The following OXR1 variants were observed in gnomAD, a reference collection of about 807,000 sequenced individuals.
The protein encoded by OXR1 is oxidation resistance protein 1.
A neutral mutation model predicts 104.6 loss-of-function variants in OXR1; 41 were observed. That is an observed-to-expected ratio of 0.39 (90% CI 0.31 to 0.51). The LOEUF is 0.51. OXR1 is among the 20% of genes least tolerant of loss of function. The probability of loss-of-function intolerance (pLI) is 0.77; values close to 1 mark genes in which losing one functional copy is unlikely to be tolerated. For missense variants in OXR1, 955 were observed against 1,031.9 expected (o/e 0.93, Z 1.02); for synonymous variants, 348 against 348.4 (o/e 1.00, Z 0.01).
At chr8:106,638,111 T>C (rs1823310659) in intron 3 of OXR1, among the ~76,000 whole-genome samples, 1 of 152,122 alleles carries the variant, frequency 6.6e-6, no homozygotes, top group Non-Finnish European at 1.5e-5. Flanking sequence ...GGGCAGGATA[T>C]CCATAGTTAG....
intron 2 of OXR1, among the ~76,000 whole-genome samples, chr8:106,472,846 C>T (rs145821525): frequency 3.4e-4 from 51 of 151,924 alleles, no homozygotes; most frequent in Admixed American, 1.1e-3. Flanking sequence ...TTAGTCTGGA[C>T]TACAGGTGAC....
At chr8:106,483,251 A>C (rs1822249099) in intron 2 of OXR1, among the ~76,000 whole-genome samples, 1 of 152,110 alleles carries the variant, frequency 6.6e-6, no homozygotes, top group African/African-American at 2.4e-5. Context: ...GTAGCAATGA[A>C]AAGACAAAAT....
At position 106,683,254 on chromosome 8, in the gene OXR1, A is replaced by C. The variant is rs775090740; in HGVS notation, c.359A>C (p.Asn120Thr). The C allele has an allele frequency of 6.2e-7, 1 of 1,607,460 alleles. No homozygotes were observed. Among genetic ancestry groups the C allele is most frequent in the Non-Finnish European group, 8.5e-7 (1 of 1,174,516 alleles). ...GCCCTGAAGTTTGATACAACACCTA[A>C]CGAACTTGTTCAATTAAATAAGTTA... ...SIALKFDTTP[N>T]ELVQLNKLFS... is the part of the protein sequence containing the mutation. The change falls in exon 5 of 17, where the codon AAC becomes ACC. Residue 120 changes from asparagine (N) to threonine (T), a missense_variant. Physicochemically the swap from Asn to Thr is moderately conservative, Grantham distance 65 (BLOSUM62 0). Around this residue, in one of 2 missense-constraint regions of OXR1, gnomAD observed 849 missense variants for 852.9 expected, o/e 1.00. Coordinates refer to ENST00000517566, the MANE Select transcript of OXR1 (RefSeq NM_001198533.2).
chr8:106,410,015 CAT>C (rs1041599205), intron 2 of OXR1, among the ~76,000 whole-genome samples: 16 of 93,934 alleles, frequency 1.7e-4, no homozygotes, highest in South Asian at 5.6e-4. Flanking sequence ...CACACACACA[CAT>C]AAGAACTTTT....
At chr8:106,356,829 G>A (rs1275752831) in intron 1 of OXR1, among the ~76,000 whole-genome samples, 1 of 152,068 alleles carries the variant, frequency 6.6e-6, no homozygotes, top group Non-Finnish European at 1.5e-5. Context: ...TGCAAGGAAA[G>A]AAGTGTAGTA....
At chr8:106,747,932 G>A (rs945051045) in intron 16 of OXR1, among the ~76,000 whole-genome samples, 1 of 152,170 alleles carries the variant, frequency 6.6e-6, no homozygotes, top group Non-Finnish European at 1.5e-5. Context: ...ATTACAACTA[G>A]ATGTCTTAAT....
intron 1 of OXR1, among the ~76,000 whole-genome samples, chr8:106,316,484 T>C (rs527878040): frequency 1.6e-4 from 25 of 152,312 alleles, no homozygotes; most frequent in Non-Finnish European, 1.3e-4. Flanking sequence ...CTGTTGGTCA[T>C]TGAGGGTTAT....
At chr8:106,489,830 A>G (rs1810956840) in intron 2 of OXR1, among the ~76,000 whole-genome samples, 1 of 152,170 alleles carries the variant, frequency 6.6e-6, no homozygotes, top group African/African-American at 2.4e-5. Flanking sequence ...ATTTTGGGAA[A>G]ATAATTTAAC....
chr8:106,513,561 C>A (rs1563573210), intron 2 of OXR1, among the ~76,000 whole-genome samples: 1 of 152,260 alleles, frequency 6.6e-6, no homozygotes, highest in East Asian at 1.9e-4. Context: ...CTTCACTCCT[C>A]CCTCAAAACC....
intron 2 of OXR1, among the ~76,000 whole-genome samples, chr8:106,449,121 A>C (rs1161626218): frequency 1.3e-5 from 2 of 152,130 alleles, no homozygotes; most frequent in Non-Finnish European, 2.9e-5. Context: ...CTGGAAACTT[A>C]ATTTAAAAAA....
chr8:106,296,091 A>G (rs1483906981), intron 1 of OXR1, among the ~76,000 whole-genome samples: 2 of 152,134 alleles, frequency 1.3e-5, no homozygotes, highest in Non-Finnish European at 2.9e-5. Flanking sequence ...CTATCTCAGC[A>G]CTTTTCAAAG....
chr8:106,750,738 A>G (rs1835832137), intron 16 of OXR1, 68 bp from the exon 17 acceptor site: 1 of 1,124,058 alleles, frequency 8.9e-7, no homozygotes, highest in East Asian at 2.5e-5. Flanking sequence ...TAGGTATTCA[A>G]AGTCTCATTT....
At chr8:106,616,283 G>A (rs1391108183) in intron 3 of OXR1, among the ~76,000 whole-genome samples, 4 of 131,680 alleles carry the variant, frequency 3.0e-5, no homozygotes, top group Non-Finnish European at 3.1e-5. Flanking sequence ...GGATGGTCTC[G>A]ATCTCCTGAC....
At chr8:106,413,015 A>G (rs1818521554) in intron 2 of OXR1, among the ~76,000 whole-genome samples, 1 of 152,076 alleles carries the variant, frequency 6.6e-6, no homozygotes. Flanking sequence ...TTGCCAGGGA[A>G]TTCATTTAGT....
Position 106,278,777 on chromosome 8 carries a change from A to G in OXR1, c.-139+8410A>G, listed in dbSNP as rs566409052. 2.6e-5 allele frequency among the ~76,000 whole-genome samples: 4 copies of G among 152,286 alleles called. No individual in the cohort carries two copies. In the South Asian group the frequency reaches 8.3e-4, roughly 32 times the overall value. On this transcript the variant is annotated intron_variant, in intron 1 of 16. Transcript: ENST00000517566. ...AAAATATTTTCTTCTGTTTTCATTCATCCAATGGTTTAGTCACATAAATAA... is the reference window on the plus strand; with the variant it reads ...AAAATATTTTCTTCTGTTTTCATTCGTCCAATGGTTTAGTCACATAAATAA...
chr8:106,409,289 A>G (rs1021991041), intron 2 of OXR1, among the ~76,000 whole-genome samples: 2 of 152,072 alleles, frequency 1.3e-5, no homozygotes, highest in Non-Finnish European at 2.9e-5. Context: ...GATGGAGAGG[A>G]GGCGAACTTG....
At chr8:106,363,219 G>T (rs2130350441) in intron 2 of OXR1, among the ~76,000 whole-genome samples, 1 of 152,298 alleles carries the variant, frequency 6.6e-6, no homozygotes, top group South Asian at 2.1e-4. Flanking sequence ...AGTAATGACT[G>T]CTCTTTTTGG....
intron 2 of OXR1, among the ~76,000 whole-genome samples, chr8:106,390,588 G>C (rs1176109553): frequency 2.0e-5 from 3 of 152,082 alleles, no homozygotes; most frequent in Non-Finnish European, 4.4e-5. Context: ...CAGGCAACTT[G>C]GCTTTAGTTG....
chr8:106,321,229 T>G (rs557633598), intron 1 of OXR1, among the ~76,000 whole-genome samples: 1 of 152,366 alleles, frequency 6.6e-6, no homozygotes, highest in South Asian at 2.1e-4. Context: ...TGTTTGTTGA[T>G]AGGACAACTG....
Sources: gnomAD v4.1 joint callset for allele counts (sites outside exome capture counted in the v4.1 genomes callset) on GRCh38, gnomAD v4.1.1 for gene constraint, gnomAD v4.1.1 regional missense constraint, MANE v1.5 for transcripts, NCBI Gene and HGNC (gene_info 2026-07-23, HGNC 2026-07-21) for gene names.